ATP11B: variants seen among roughly 807,000 people sequenced by gnomAD.
ATP11B encodes the protein ATPase phospholipid transporting 11B (putative).
In ATP11B, 81 loss-of-function variants were observed where a neutral mutation model predicts 157.8. That is an observed-to-expected ratio of 0.51 (90% confidence interval 0.43 to 0.62). ATP11B has a LOEUF of 0.62. Ranked by LOEUF, ATP11B falls within the 20% of genes least tolerant of loss-of-function variation. The pLI, the probability that ATP11B is intolerant of heterozygous loss-of-function variation, is 0.00. For missense variants in ATP11B, 1,165 were observed against 1,402.2 expected (o/e 0.83, Z 2.70); for synonymous variants, 451 against 469.4 (o/e 0.96, Z 0.51).
chr3:182,875,734 C>T (rs1053884724), intron 19 of ATP11B, among the ~76,000 whole-genome samples: 4 of 152,152 alleles, frequency 2.6e-5, no homozygotes, highest in Non-Finnish European at 5.9e-5. Context: ...AGCCACCGCA[C>T]CCGGCCCATA....
intron 1 of ATP11B, among the ~76,000 whole-genome samples, chr3:182,794,995 CA>C (rs1348091461): frequency 1.3e-5 from 2 of 151,264 alleles, no homozygotes; most frequent in Non-Finnish European, 2.9e-5. Context: ...GTTTCAGAGC[CA>C]GCCTTCTGTT....
intron 10 of ATP11B, among the ~76,000 whole-genome samples, chr3:182,854,541 CTT>C (rs1313874998): frequency 2.5e-4 from 38 of 152,090 alleles, no homozygotes; most frequent in Admixed American, 2.0e-3. Flanking sequence ...ATCTTTATGA[CTT>C]AGAGTAGGTA....
chr3:182,901,512 A>C (rs1723967456), intron 28 of ATP11B, among the ~76,000 whole-genome samples: 1 of 152,114 alleles, frequency 6.6e-6, no homozygotes, highest in African/African-American at 2.4e-5. Flanking sequence ...TGCTTCAATG[A>C]GCATTTTCTT....
At chr3:182,904,473 G>T (rs1577107185) in intron 28 of ATP11B, among the ~76,000 whole-genome samples, 1 of 152,178 alleles carries the variant, frequency 6.6e-6, no homozygotes, top group Admixed American at 6.5e-5. Context: ...ACTGCATTGA[G>T]CAATATTCCG....
At chr3:182,915,749 A>G (rs1309712070) in intron 29 of ATP11B, 2 of 985,056 alleles carry the variant, frequency 2.0e-6, no homozygotes, top group Non-Finnish European at 2.4e-6. Context: ...ATGCAGCATT[A>G]CCTCTTTTGA....
intron 22 of ATP11B, among the ~76,000 whole-genome samples, chr3:182,885,552 G>T (rs1314956258): frequency 6.6e-6 from 1 of 152,066 alleles, no homozygotes; most frequent in Non-Finnish European, 1.5e-5. Flanking sequence ...GAGATGGAAA[G>T]AAGTTTCGAT....
intron 23 of ATP11B, among the ~76,000 whole-genome samples, chr3:182,886,564 T>G (rs1722805424): frequency 6.6e-6 from 1 of 152,190 alleles, no homozygotes; most frequent in African/African-American, 2.4e-5. Context: ...GGTCTTTGTT[T>G]GCATGCATGT....
chr3:182,909,977 T>G (rs1724654828), intron 28 of ATP11B, among the ~76,000 whole-genome samples: 1 of 149,630 alleles, frequency 6.7e-6, no homozygotes, highest in South Asian at 2.1e-4. Context: ...GTCATGAGAA[T>G]TGCTTGAACC....
chr3:182,821,416 A>C (rs1717339341), intron 2 of ATP11B, among the ~76,000 whole-genome samples: 1 of 152,118 alleles, frequency 6.6e-6, no homozygotes, highest in Non-Finnish European at 1.5e-5. Context: ...CATAGATTGG[A>C]ATTTAAACTC....
chr3:182,816,259 A>G (rs549980410), intron 1 of ATP11B, among the ~76,000 whole-genome samples: 2 of 152,350 alleles, frequency 1.3e-5, no homozygotes, highest in East Asian at 3.9e-4. Flanking sequence ...AGACATTAAC[A>G]TAAAGCCAGG....
chr3:182,850,667 A>G (rs1469843478), intron 10 of ATP11B, among the ~76,000 whole-genome samples: 2 of 152,198 alleles, frequency 1.3e-5, no homozygotes, highest in South Asian at 2.1e-4. Context: ...ACTATGGAAA[A>G]TAGCCTGGAG....
rs1054515830 is a variant in ATP11B at position 182,917,534 on chromosome 3, C to T, written c.3453-489C>T. The T allele has an allele frequency of 5.8e-5, 57 of 985,284 alleles. No individual in the cohort carries two copies. The African/African-American group carries it at 7.2e-4, about 12-fold the overall frequency. The allele number at this position is 985,284 out of a possible 1,614,324, so 61.0% of individuals were successfully genotyped here. A position where few individuals can be genotyped will look rare whatever the true frequency, so the allele number is the denominator to read the frequency against. Reference sequence around the variant, plus strand: ...TTTGATGCCTTTTGAATACATCATTCGCTACATTCAAGCTAATTATGCGGA... The same window carrying T: ...TTTGATGCCTTTTGAATACATCATTTGCTACATTCAAGCTAATTATGCGGA... On this transcript the variant is annotated intron_variant, in intron 29 of 29. Coordinates refer to ENST00000323116, the MANE Select transcript of ATP11B (RefSeq NM_014616.3).
At position 182,897,384 on chromosome 3, in the gene ATP11B, T is replaced by G; in HGVS notation, c.3130T>G (p.Leu1044Val). ...GSIIFYFVFS[L>V]FYGGILWPFL... ...TATTATATTTTATTTTGTATTTTCC[T>G]TGTTTTATGGAGGGATTCTCTGGTG... The change falls in exon 27 of 30, where the codon TTG becomes GTG. Residue 1044 changes from leucine to valine, a missense_variant. Transcript: ENST00000323116. 4 of 1,584,982 alleles carry G rather than the reference T, an allele frequency of 2.5e-6. No individual in the cohort carries two copies. Among genetic ancestry groups the G allele is most frequent in the Non-Finnish European group, 3.4e-6 (4 of 1,168,876 alleles).
At chr3:182,912,540 C>T (rs1003598331) in intron 28 of ATP11B, among the ~76,000 whole-genome samples, 20 of 151,564 alleles carry the variant, frequency 1.3e-4, no homozygotes, top group Admixed American at 2.0e-4. Flanking sequence ...AGTATTGTAA[C>T]GAAAGAACAA....
At chr3:182,893,062 A>C (rs1353272364) in intron 25 of ATP11B, among the ~76,000 whole-genome samples, 1 of 152,220 alleles carries the variant, frequency 6.6e-6, no homozygotes, top group African/African-American at 2.4e-5. Context: ...TCTAAGTATT[A>C]GTTAAAAAGT....
Position 182,889,663 on chromosome 3 carries a change from A to G in ATP11B, c.2982+115A>G, listed in dbSNP as rs557628456. The G allele has an allele frequency of 7.2e-6, 7 of 971,066 alleles. No individual in the cohort carries two copies. The Admixed American group carries it at 2.4e-4, about 33-fold the overall frequency. 60.2% of individuals were successfully genotyped at this position (971,066 alleles called of 1,614,324 possible). On this transcript the variant is annotated intron_variant, in intron 25 of 29. Coordinates refer to ENST00000323116, the MANE Select transcript of ATP11B (RefSeq NM_014616.3). ...ACAGAACTTCAAGTATTAAAATGCA[A>G]ATATAAAAAGGTTTAAATTTTGTGG...
At chr3:182,824,116 A>T (rs1717562978) in intron 2 of ATP11B, among the ~76,000 whole-genome samples, 1 of 152,040 alleles carries the variant, frequency 6.6e-6, no homozygotes. Context: ...TTTTCGTAAC[A>T]TAATGCTTTT....
intron 1 of ATP11B, among the ~76,000 whole-genome samples, chr3:182,803,634 A>G (rs1392033523): frequency 1.3e-5 from 2 of 152,174 alleles, no homozygotes; most frequent in Admixed American, 1.3e-4. Context: ...TAGTTTTTTA[A>G]CATTTAGATC....
At chr3:182,822,944 T>C (rs1717466759) in intron 2 of ATP11B, among the ~76,000 whole-genome samples, 1 of 152,246 alleles carries the variant, frequency 6.6e-6, no homozygotes, top group Admixed American at 6.5e-5. Flanking sequence ...TGATATCCTT[T>C]GCCCATGTTT....
Sources: gnomAD v4.1 joint callset for allele counts (sites outside exome capture counted in the v4.1 genomes callset) on GRCh38, gnomAD v4.1.1 for gene constraint, MANE v1.5 for transcripts, NCBI Gene and HGNC (gene_info 2026-07-23, HGNC 2026-07-21) for gene names.